Variants in NIBAN1 observed in about 807,000 individuals in gnomAD.
NIBAN1 encodes protein Niban 1.
A neutral mutation model predicts 75.1 loss-of-function variants in NIBAN1; 81 were observed. The ratio of observed to expected loss-of-function variants is 1.08; its 90% CI spans 0.90 to 1.30. The LOEUF is 1.30. NIBAN1 is among the 50% of genes most tolerant of loss of function. NIBAN1 has a pLI of 0.00. For missense variants in NIBAN1, 1,133 were observed against 1,128.1 expected (o/e 1.00, Z -0.06); for synonymous variants, 436 against 424.8 (o/e 1.03, Z -0.32).
chr1:184,876,042 G>A (rs752656499), intron 5 of NIBAN1, among the ~76,000 whole-genome samples: 9 of 150,580 alleles, frequency 6.0e-5, no homozygotes, highest in Non-Finnish European at 1.2e-4. Flanking sequence ...GCATGGTGGC[G>A]CATGCCTGTA....
chr1:184,965,028 G>A (rs922751775), intron 1 of NIBAN1, among the ~76,000 whole-genome samples: 13 of 152,152 alleles, frequency 8.5e-5, no homozygotes, highest in African/African-American at 3.1e-4. Context: ...GGCCGGGCGC[G>A]GCGGCTCACG....
intron 9 of NIBAN1, among the ~76,000 whole-genome samples, chr1:184,813,225 A>T (rs1233296563): frequency 6.6e-6 from 1 of 152,192 alleles, no homozygotes; most frequent in East Asian, 1.9e-4. Context: ...ATGTAATTAT[A>T]TATGTGTTGT....
intron 1 of NIBAN1, among the ~76,000 whole-genome samples, chr1:184,969,011 G>A (rs981367169): frequency 1.3e-5 from 2 of 152,148 alleles, no homozygotes; most frequent in Admixed American, 6.5e-5. Context: ...GACGAAGATG[G>A]TCATACCCTT....
chr1:184,954,662 T>C (rs1658438048), intron 1 of NIBAN1, among the ~76,000 whole-genome samples: 1 of 152,230 alleles, frequency 6.6e-6, no homozygotes, highest in South Asian at 2.1e-4. Flanking sequence ...GGGATGCTTA[T>C]GTGTAACTCA....
At chr1:184,931,703 A>T (rs1657829820) in intron 1 of NIBAN1, among the ~76,000 whole-genome samples, 1 of 152,262 alleles carries the variant, frequency 6.6e-6, no homozygotes, top group African/African-American at 2.4e-5. Context: ...ACATGTGCAA[A>T]GAATTGTCTA....
chr1:184,859,753 G>A (rs2102274147), intron 5 of NIBAN1, among the ~76,000 whole-genome samples: 1 of 152,162 alleles, frequency 6.6e-6, no homozygotes, highest in East Asian at 1.9e-4. Flanking sequence ...GGTTCGCTCT[G>A]CCATGCTCAC....
Position 184,814,586 on chromosome 1 carries a change from T to C in NIBAN1, c.1173+4052A>G, listed in dbSNP as rs150688983. Among the ~76,000 whole-genome samples, 300 of 152,298 alleles carry C rather than the reference T, an allele frequency of 2.0e-3. 3 individuals are homozygous for C. Among genetic ancestry groups the C allele is most frequent in the African/African-American group, 7.0e-3 (292 of 41,558 alleles). On this transcript the variant is annotated intron_variant, in intron 9 of 13. Transcript: ENST00000367511. Reference sequence around the variant, plus strand: ...CCCTCTCCATCAGAGTCATGTTTCATCCTTTTAAAAATTTTTGTATCATCA... The same window carrying C: ...CCCTCTCCATCAGAGTCATGTTTCACCCTTTTAAAAATTTTTGTATCATCA...
Position 184,974,352 on chromosome 1 carries a change from C to T in NIBAN1, c.5G>A (p.Gly2Asp). 2 of 1,559,524 alleles carry T rather than the reference C, an allele frequency of 1.3e-6. No individual in the cohort carries two copies. Among genetic ancestry groups the T allele is most frequent in the Non-Finnish European group, 1.7e-6 (2 of 1,159,484 alleles). M[G>D]GSASSQLDEG... is the part of the protein sequence containing the mutation. ...GTCCAGCTGGCTGGAGGCTGAGCCG[C>T]CCATGACCGCGAGCTGCCTGTGCTG... Residue 2 changes from glycine (G) to aspartate (D), a missense_variant, in exon 1 of 14, where the codon GGC (glycine) becomes GAC (aspartate). By Grantham distance (94) the Gly-to-Asp change is moderately conservative. Coordinates refer to ENST00000367511, the MANE Select transcript of NIBAN1 (RefSeq NM_052966.4).
chr1:184,820,180 A>G (rs1350307421), intron 8 of NIBAN1, among the ~76,000 whole-genome samples: 1 of 152,196 alleles, frequency 6.6e-6, no homozygotes, highest in African/African-American at 2.4e-5. Flanking sequence ...GAGATAAATT[A>G]ATTATTAGTT....
intron 1 of NIBAN1, among the ~76,000 whole-genome samples, chr1:184,949,344 C>T (rs1434684739): frequency 6.6e-6 from 1 of 152,030 alleles, no homozygotes; most frequent in Admixed American, 6.5e-5. Flanking sequence ...GGCGACAGAG[C>T]GAGACTCCGT....
intron 1 of NIBAN1, among the ~76,000 whole-genome samples, chr1:184,922,887 G>A (rs185804447): frequency 1.2e-4 from 18 of 152,302 alleles, no homozygotes; most frequent in Admixed American, 2.6e-4. Flanking sequence ...GATTACAGAC[G>A]TGAGTTAAAT....
chr1:184,944,043 A>C (rs1658162200), intron 1 of NIBAN1, among the ~76,000 whole-genome samples: 1 of 152,170 alleles, frequency 6.6e-6, no homozygotes, highest in South Asian at 2.1e-4. Context: ...AATTACCTCT[A>C]CGGACGTTGC....
At chr1:184,808,042 T>A in intron 10 of NIBAN1, 32 bp downstream of exon 10, 2 of 1,612,174 alleles carry the variant, frequency 1.2e-6, no homozygotes, top group Non-Finnish European at 1.7e-6. Flanking sequence ...CTCTTTACCC[T>A]CATCCACCAC....
chr1:184,902,087 G>A (rs564973167), intron 1 of NIBAN1, among the ~76,000 whole-genome samples: 8 of 152,218 alleles, frequency 5.3e-5, no homozygotes, highest in Non-Finnish European at 7.4e-5. Context: ...GGCAGGGGAC[G>A]GTCTGGCTTG....
chr1:184,943,413 C>A (rs1658145789), intron 1 of NIBAN1, among the ~76,000 whole-genome samples: 1 of 152,182 alleles, frequency 6.6e-6, no homozygotes, highest in Admixed American at 6.5e-5. Context: ...ATCACTGCAA[C>A]TTTAGTCTCC....
rs139768069 is a variant in NIBAN1 at position 184,859,211 on chromosome 1, T to C, written c.601+25422A>G. Among the ~76,000 whole-genome samples the C allele has an allele frequency of 1.9e-3, 291 of 152,182 alleles. 4 individuals are homozygous for C. The East Asian group carries it at 0.043, about 23-fold the overall frequency. On this transcript the variant is annotated intron_variant, in intron 5 of 13. Coordinates refer to ENST00000367511, the MANE Select transcript of NIBAN1 (RefSeq NM_052966.4). Reference sequence around the variant, plus strand: ...TTTTAAATAAATAAATAAATATATATATATGAGGTTTTAAAATAATGTAAA... The same window carrying C: ...TTTTAAATAAATAAATAAATATATACATATGAGGTTTTAAAATAATGTAAA...
At chr1:184,911,047 A>G (rs1657227775) in intron 1 of NIBAN1, among the ~76,000 whole-genome samples, 1 of 151,060 alleles carries the variant, frequency 6.6e-6, no homozygotes, top group Non-Finnish European at 1.5e-5. Flanking sequence ...GTGTGGGCCA[A>G]TTCTTTATAA....
At chr1:184,808,685 G>A (rs1654279233) in intron 9 of NIBAN1, among the ~76,000 whole-genome samples, 1 of 152,110 alleles carries the variant, frequency 6.6e-6, no homozygotes, top group South Asian at 2.1e-4. Context: ...ACTTTGGAAG[G>A]GAAGCCAGAG....
At chr1:184,808,480 G>A (rs1286320322) in intron 9 of NIBAN1, among the ~76,000 whole-genome samples, 1 of 152,098 alleles carries the variant, frequency 6.6e-6, no homozygotes, top group Non-Finnish European at 1.5e-5. Flanking sequence ...AAGACCCAGC[G>A]GTGCACCCAC....
Sources: gnomAD v4.1 joint callset for allele counts (sites outside exome capture counted in the v4.1 genomes callset) on GRCh38, gnomAD v4.1.1 for gene constraint, MANE v1.5 for transcripts, NCBI Gene and HGNC (gene_info 2026-07-23, HGNC 2026-07-21) for gene names.